GRAP2: variants seen among roughly 807,000 people sequenced by gnomAD.
The protein encoded by GRAP2 is GRB2-related adapter protein 2.
GRAP2 carries 31 observed loss-of-function variants against 43.5 expected under a neutral mutation model. That is an observed-to-expected ratio of 0.71 (90% CI 0.54 to 0.96). The LOEUF (loss-of-function observed/expected upper bound fraction) is 0.96, where lower values mean the gene tolerates loss of function less well. GRAP2 is among the 40% of genes least tolerant of loss of function. The pLI is 0.00. For synonymous variants in GRAP2, 156 were observed against 164.8 expected (o/e 0.95, Z 0.41); for missense variants, 371 against 424.4 (o/e 0.87, Z 1.11).
rs1469647782 is a variant in GRAP2, at chr22:39,971,958, G to A, written c.*874G>A. ...ATGGTTACAAGGGTATGTCTTCAGG[G>A]CTCTGTTCATTTTCCCTCTTGATTT... On this transcript the variant is annotated 3_prime_UTR_variant, in exon 8 of 8. Coordinates refer to ENST00000344138, the MANE Select transcript of GRAP2 (RefSeq NM_004810.4). 6.6e-6 allele frequency: 1 copy of A among 152,236 alleles called. No individual in the cohort carries two copies. The highest frequency in any genetic ancestry group is 1.5e-5 in the Non-Finnish European group (1 of 68,054). The allele number at this position is 152,236 out of a possible 1,614,324, so 9.4% of individuals were successfully genotyped here.
intron 1 of GRAP2, among the ~76,000 whole-genome samples, chr22:39,943,832 G>A (rs958099204): frequency 2.0e-5 from 3 of 150,882 alleles, no homozygotes; most frequent in Admixed American, 6.6e-5. Context: ...TGATTCTCCT[G>A]CCTCAGCCTC....
chr22:39,894,878 A>G, the GRAP2 span, among the ~76,000 whole-genome samples: 5 of 152,208 alleles, frequency 3.3e-5, no homozygotes, highest in Admixed American at 6.5e-5. Flanking sequence ...TCTGCCACTG[A>G]GTATTTAAGG....
chr22:39,931,164 A>C (rs2066751520), intron 1 of GRAP2, among the ~76,000 whole-genome samples: 1 of 152,218 alleles, frequency 6.6e-6, no homozygotes, highest in South Asian at 2.1e-4. Flanking sequence ...TGTTTGTTGA[A>C]CGAATACACA....
intron 1 of GRAP2, among the ~76,000 whole-genome samples, chr22:39,917,875 T>C (rs895449972): frequency 2.0e-5 from 3 of 152,210 alleles, no homozygotes; most frequent in African/African-American, 7.2e-5. Flanking sequence ...AGAAAGGAGA[T>C]TGTGGTTCTT....
rs982886424 is a variant in GRAP2, at chr22:39,947,300, C to T, written c.78+116C>T. 9.5e-6 allele frequency: 7 copies of T among 735,476 alleles called. No homozygotes were observed. The African/African-American group carries it at 1.2e-4, about 13-fold the overall frequency. 45.6% of individuals were successfully genotyped at this position (735,476 alleles called of 1,614,324 possible). On this transcript the variant is annotated intron_variant, in intron 2 of 7. Coordinates refer to ENST00000344138, the MANE Select transcript of GRAP2 (RefSeq NM_004810.4). Reference sequence around the variant, plus strand: ...GTGGTTCCTTTTAAAAAGAGAAGTTCACCTTGATTCCCTTTGTGCACCCTT... The same window carrying T: ...GTGGTTCCTTTTAAAAAGAGAAGTTTACCTTGATTCCCTTTGTGCACCCTT...
At chr22:39,951,106 A>AGCAGGT (rs1242946681) in intron 2 of GRAP2, among the ~76,000 whole-genome samples, 1 of 147,476 alleles carries the variant, frequency 6.8e-6, no homozygotes, top group East Asian at 2.0e-4. Flanking sequence ...AAGTGCAATC[A>AGCAGGT]GCAGGTGCTC....
chr22:39,949,978 T>G (rs1851094174), intron 2 of GRAP2, among the ~76,000 whole-genome samples: 2 of 152,208 alleles, frequency 1.3e-5, no homozygotes, highest in South Asian at 2.1e-4. Flanking sequence ...CAATTACCAA[T>G]TGATTGAGAC....
chr22:39,940,052 A>G (rs1601715047), intron 1 of GRAP2, among the ~76,000 whole-genome samples: 1 of 152,050 alleles, frequency 6.6e-6, no homozygotes, highest in South Asian at 2.1e-4. Context: ...CTCCCACGCC[A>G]CCCTCTGCAC....
At chr22:39,895,517 TA>T in the GRAP2 span, among the ~76,000 whole-genome samples, 459 of 152,284 alleles carry the variant, frequency 3.0e-3, 4 homozygotes, top group Middle Eastern at 6.8e-3. Context: ...TTTGACTTTA[TA>T]AAATAGTGGG....
intron 1 of GRAP2, among the ~76,000 whole-genome samples, chr22:39,906,703 C>T (rs913507657): frequency 1.3e-5 from 2 of 152,124 alleles, no homozygotes; most frequent in African/African-American, 4.8e-5. Context: ...TCTCCACACC[C>T]CCCAGCCTTC....
chr22:39,940,113 A>G (rs2066851645), intron 1 of GRAP2, among the ~76,000 whole-genome samples: 2 of 152,190 alleles, frequency 1.3e-5, no homozygotes, highest in African/African-American at 4.8e-5. Flanking sequence ...GACCCCACCA[A>G]AAAAGAATGT....
intron 1 of GRAP2, 43 bp from the exon 2 acceptor site, chr22:39,947,050 C>T: frequency 9.0e-7 from 1 of 1,115,400 alleles, no homozygotes; most frequent in Admixed American, 1.7e-5. Context: ...TGCTGCCCTC[C>T]CCCTGGCAGA....
rs1466991760 is a variant in GRAP2 at position 39,971,630 on chromosome 22, C to T, written c.*546C>T. 2 of 152,696 alleles carry T rather than the reference C, an allele frequency of 1.3e-5. No individual in the cohort carries two copies. Among genetic ancestry groups the T allele is most frequent in the African/African-American group, 4.8e-5 (2 of 41,480 alleles). 9.5% of individuals were successfully genotyped at this position (152,696 alleles called of 1,614,324 possible). ...CAGTGCTGCGGGCAGCCAAGCGAGTCTGAGCGGGGATGTGAAGGCAGGACG... is the reference window on the plus strand; with the variant it reads ...CAGTGCTGCGGGCAGCCAAGCGAGTTTGAGCGGGGATGTGAAGGCAGGACG... On this transcript the variant is annotated 3_prime_UTR_variant, in exon 8 of 8. Transcript: ENST00000344138.
chr22:39,917,257 C>G (rs1372215077), intron 1 of GRAP2, among the ~76,000 whole-genome samples: 2 of 152,206 alleles, frequency 1.3e-5, no homozygotes. Flanking sequence ...GTGCAAAGCT[C>G]TCTAACATCG....
At position 39,960,135 on chromosome 22, in the gene GRAP2, C is replaced by G. The variant is rs774442868; in HGVS notation, c.251C>G (p.Ala84Gly). ...GAGGTTGGCTTCTTCATCATCCGGG[C>G]CAGCCAGAGCTCCCCAGGGGACTTC... ...GKEVGFFIIR[A>G]SQSSPGDFSI... Residue 84 changes from alanine to glycine, a missense_variant, in exon 4 of 8, where the codon GCC becomes GGC. Physicochemically the swap from Ala to Gly is moderately conservative, Grantham distance 60. Coordinates refer to ENST00000344138, the MANE Select transcript of GRAP2 (RefSeq NM_004810.4). 1 of 1,612,798 alleles carries G rather than the reference C, an allele frequency of 6.2e-7. No individual in the cohort carries two copies. Among genetic ancestry groups the G allele is most frequent in the Non-Finnish European group, 8.5e-7 (1 of 1,178,750 alleles).
chr22:39,961,824 T>G (rs951453097), intron 4 of GRAP2, among the ~76,000 whole-genome samples: 1 of 152,224 alleles, frequency 6.6e-6, no homozygotes, highest in Non-Finnish European at 1.5e-5. Flanking sequence ...AAGCTTTGTT[T>G]TAAGGACAGA....
intron 1 of GRAP2, among the ~76,000 whole-genome samples, chr22:39,903,293 T>A (rs1601682969): frequency 6.6e-6 from 1 of 151,790 alleles, no homozygotes; most frequent in South Asian, 2.1e-4. Context: ...AACAATAGGG[T>A]CGCTAGGTCC....
intron 1 of GRAP2, chr22:39,946,828 G>A: frequency 2.5e-6 from 1 of 395,522 alleles, no homozygotes; most frequent in Non-Finnish European, 4.7e-6. Flanking sequence ...ATGATGAAAG[G>A]AGAAGGGAAA....
At chr22:39,963,037 G>A (rs953343488) in intron 4 of GRAP2, among the ~76,000 whole-genome samples, 7 of 152,134 alleles carry the variant, frequency 4.6e-5, no homozygotes, top group African/African-American at 1.2e-4. Context: ...GACTTCTACC[G>A]AAGTCTTCCC....
Sources: allele counts gnomAD v4.1 joint callset (sites outside exome capture counted in the v4.1 genomes callset), GRCh38; gene constraint gnomAD v4.1.1; transcripts MANE v1.5; gene names NCBI Gene and HGNC (gene_info 2026-07-23, HGNC 2026-07-21).